The following STOX2 variants were observed in gnomAD, a reference collection of about 807,000 sequenced individuals.
The protein encoded by STOX2 is storkhead box 2, also known as storkhead-box protein 2.
In STOX2, 28 loss-of-function variants were observed where a neutral mutation model predicts 60.9. The observed-to-expected ratio is 0.46, with a 90% CI of 0.34 to 0.63. The LOEUF (loss-of-function observed/expected upper bound fraction) is 0.63, where lower values mean the gene tolerates loss of function less well. Among genes scored for constraint, STOX2 ranks in the 30% least tolerant of loss-of-function variants. The pLI is 0.01. For missense variants in STOX2, 1,024 were observed against 1,187.7 expected (o/e 0.86, Z 2.03); for synonymous variants, 472 against 463.9 (o/e 1.02, Z -0.22).
intron 1 of STOX2, among the ~76,000 whole-genome samples, chr4:183,880,755 C>T (rs1302428360): frequency 1.3e-5 from 2 of 152,186 alleles, no homozygotes; most frequent in Non-Finnish European, 2.9e-5. Context: ...GTTTTCCTCT[C>T]ATTTTACAAT....
At chr4:183,993,113 A>G (rs1359743167) in intron 1 of STOX2, among the ~76,000 whole-genome samples, 1 of 152,094 alleles carries the variant, frequency 6.6e-6, no homozygotes, top group Non-Finnish European at 1.5e-5. Context: ...GGGCGCTCTC[A>G]CCCACCCCTG....
chr4:183,814,802 C>A (rs926638096), intron 1 of STOX2, among the ~76,000 whole-genome samples: 3 of 152,096 alleles, frequency 2.0e-5, no homozygotes, highest in Admixed American at 2.0e-4. Flanking sequence ...TACAAAAATA[C>A]ACAAATATTA....
chr4:183,891,510 GA>G (rs1388289019), intron 1 of STOX2, among the ~76,000 whole-genome samples: 1 of 151,148 alleles, frequency 6.6e-6, no homozygotes, highest in Non-Finnish European at 1.5e-5. Context: ...CTCAGGAATG[GA>G]AAACCAAATG....
At chr4:183,818,788 C>T (rs1221533915) in intron 1 of STOX2, among the ~76,000 whole-genome samples, 8 of 151,546 alleles carry the variant, frequency 5.3e-5, no homozygotes, top group Admixed American at 1.3e-4. Flanking sequence ...ACCTCCCAGA[C>T]GGGGTGGCTG....
chr4:183,934,312 A>AAAGAT (rs1553977316), intron 1 of STOX2, among the ~76,000 whole-genome samples: 4 of 143,658 alleles, frequency 2.8e-5, no homozygotes, highest in Admixed American at 6.9e-5. Context: ...CAAAAAAATA[A>AAAGAT]AAAATAAAAT....
chr4:183,812,730 C>T (rs1739063515), intron 1 of STOX2, among the ~76,000 whole-genome samples: 1 of 152,106 alleles, frequency 6.6e-6, no homozygotes, highest in Non-Finnish European at 1.5e-5. Flanking sequence ...AGAGTGTGTG[C>T]AGTTGTGTAG....
At chr4:183,860,150 G>T (rs1010068276) in intron 1 of STOX2, among the ~76,000 whole-genome samples, 2 of 151,666 alleles carry the variant, frequency 1.3e-5, no homozygotes, top group African/African-American at 4.8e-5. Context: ...TTAAATCAAA[G>T]AAAATAACTT....
At chr4:183,961,664 G>A (rs1213149513) in intron 1 of STOX2, among the ~76,000 whole-genome samples, 1 of 152,164 alleles carries the variant, frequency 6.6e-6, no homozygotes, top group Non-Finnish European at 1.5e-5. Context: ...GGCTTTTAGT[G>A]TGCCCATCAC....
intron 1 of STOX2, among the ~76,000 whole-genome samples, chr4:183,818,195 AAACAAGTG>A (rs1178203312): frequency 2.6e-5 from 4 of 152,014 alleles, no homozygotes; most frequent in Admixed American, 1.3e-4. Flanking sequence ...GTCAGCAGAT[AAACAAGTG>A]AACAAAGGTC....
chr4:183,930,086 G>T (rs1042208557), intron 1 of STOX2, among the ~76,000 whole-genome samples: 1 of 151,394 alleles, frequency 6.6e-6, no homozygotes, highest in Admixed American at 6.6e-5. Context: ...GATGGGTCTC[G>T]ATCTCCTGAC....
At chr4:183,981,640 G>A (rs756544604) in intron 1 of STOX2, among the ~76,000 whole-genome samples, 4 of 152,152 alleles carry the variant, frequency 2.6e-5, no homozygotes, top group East Asian at 3.9e-4. Context: ...GTTTTTCCTC[G>A]TTTTACTTTC....
At chr4:183,989,193 T>G (rs909756516) in intron 1 of STOX2, among the ~76,000 whole-genome samples, 1,826 of 60,070 alleles carry the variant, frequency 0.03, 30 homozygotes, top group South Asian at 0.074. Context: ...TTTTTTTTTT[T>G]GTTTGTTTGG....
chr4:183,832,495 T>C (rs1161670659), intron 1 of STOX2, among the ~76,000 whole-genome samples: 1 of 145,054 alleles, frequency 6.9e-6, no homozygotes, highest in East Asian at 2.0e-4. Context: ...TCTTTTTTTT[T>C]TTTTTTTTTT....
chr4:183,999,093 C>A (rs564718301), intron 1 of STOX2, among the ~76,000 whole-genome samples: 17 of 152,038 alleles, frequency 1.1e-4, no homozygotes, highest in Admixed American at 9.8e-4. Flanking sequence ...AACAAAAAAA[C>A]CCAGCTTTTT....
At chr4:183,838,541 T>G (rs1176145374) in intron 1 of STOX2, among the ~76,000 whole-genome samples, 1 of 152,222 alleles carries the variant, frequency 6.6e-6, no homozygotes, top group African/African-American at 2.4e-5. Context: ...TACATAAAAA[T>G]GAAGCTACTA....
At chr4:183,835,349 G>T (rs1391984838) in intron 1 of STOX2, among the ~76,000 whole-genome samples, 1 of 150,756 alleles carries the variant, frequency 6.6e-6, no homozygotes, top group East Asian at 2.0e-4. Context: ...TCAGCTTCCC[G>T]AGTAGCTGGG....
Position 184,017,496 on chromosome 4 carries a change from A to G in STOX2, c.*212A>G. 2.0e-6 allele frequency: 1 copy of G among 506,170 alleles called. No homozygotes were observed. Among genetic ancestry groups the G allele is most frequent in the East Asian group, 3.4e-5 (1 of 29,414 alleles). The allele number at this position is 506,170 out of a possible 1,614,324, so 31.4% of individuals were successfully genotyped here. Reference sequence around the variant, plus strand: ...ATTTATGGCTCTGTAGCAACTGAGTAACAGTAGGGGTGATATGTATACTTT... The same window carrying G: ...ATTTATGGCTCTGTAGCAACTGAGTGACAGTAGGGGTGATATGTATACTTT... On this transcript the variant is annotated 3_prime_UTR_variant, in exon 4 of 4. Transcript: ENST00000308497.
At position 183,989,066 on chromosome 4, in the gene STOX2, A is replaced by G. The variant is rs117086956; in HGVS notation, c.167-12259A>G. On this transcript the variant is annotated intron_variant, in intron 1 of 3. Coordinates refer to ENST00000308497, the MANE Select transcript of STOX2 (RefSeq NM_020225.3). The stretch of plus-strand genomic sequence containing the variant: ...AAGTCCACAGCAGCAGGATTTGCCA[A>G]TAGGAAATAATCAGACTGCCCCAGA... 1.8e-4 allele frequency among the ~76,000 whole-genome samples: 28 copies of G among 152,304 alleles called. No homozygotes were observed. In the East Asian group the frequency reaches 5.0e-3, roughly 27 times the overall value.
In STOX2 at chr4:184,011,195, C is replaced by T; in HGVS notation, c.2357C>T (p.Ala786Val). The T allele has an allele frequency of 6.3e-7, 1 of 1,598,828 alleles. No individual in the cohort carries two copies. The highest frequency in any genetic ancestry group is 8.5e-7 in the Non-Finnish European group (1 of 1,173,850). ...VSDDDDSEEG[A>V]NKNTEEEKNR... is the part of the protein sequence containing the mutation. Reference sequence around the variant, plus strand: ...GATGATGACGACTCTGAGGAAGGGGCAAACAAGAACACAGAGGAGGAGAAA... The same window carrying T: ...GATGATGACGACTCTGAGGAAGGGGTAAACAAGAACACAGAGGAGGAGAAA... The change falls in exon 3 of 4, where the codon GCA becomes GTA. Residue 786 changes from alanine to valine, a missense_variant. Transcript: ENST00000308497. This position sits in a 1 kb window ranked among gnomAD's most constrained non-coding sequence, Gnocchi z 4.4.
Sources: allele counts gnomAD v4.1 joint callset (sites outside exome capture counted in the v4.1 genomes callset), GRCh38; gene constraint gnomAD v4.1.1; non-coding constraint Gnocchi (gnomAD v3.1); transcripts MANE v1.5; gene names NCBI Gene and HGNC (gene_info 2026-07-23, HGNC 2026-07-21).